The following MYO1H variants were observed in gnomAD, a reference collection of about 807,000 sequenced individuals.
MYO1H encodes the protein myosin IH.
A neutral mutation model predicts 149.3 loss-of-function variants in MYO1H; 118 were observed. The ratio of observed to expected loss-of-function variants is 0.79; its 90% confidence interval spans 0.68 to 0.92. The LOEUF (loss-of-function observed/expected upper bound fraction) is 0.92. Among genes scored for constraint, MYO1H ranks in the 40% least tolerant of loss-of-function variants. The pLI, the probability that MYO1H is intolerant of heterozygous loss-of-function variation, is 0.00. For synonymous variants in MYO1H, 447 were observed against 465.2 expected, an observed-to-expected ratio of 0.96 and a Z score of 0.50; for missense variants, 1,212 against 1,280.7, an observed-to-expected ratio of 0.95 and a Z score of 0.82.
chr12:109,397,847 C>T (rs1869980542), intron 5 of MYO1H, 35 bp downstream of exon 5: 2 of 1,519,684 alleles, frequency 1.3e-6, no homozygotes, highest in African/African-American at 1.4e-5. Flanking sequence ...TTCATGGGGA[C>T]CCCTTATTTT....
At chr12:109,433,967 T>G (rs1240834893) in intron 20 of MYO1H, among the ~76,000 whole-genome samples, 1 of 152,184 alleles carries the variant, frequency 6.6e-6, no homozygotes, top group Non-Finnish European at 1.5e-5. Context: ...GCAGGCAATG[T>G]GAGGTCAGTA....
exon 22 of MYO1H, chr12:109,436,506 C>T (rs760241983): frequency 6.2e-7 from 1 of 1,611,274 alleles, no homozygotes; most frequent in Non-Finnish European, 8.5e-7. Flanking sequence ...ATCCAAGCCA[C>T]TTACAAACGC....
In MYO1H at chr12:109,406,641, C is replaced by A. The variant is rs1012582641; in HGVS notation, c.964-148C>A. 1.8e-5 allele frequency: 12 copies of A among 677,936 alleles called. No homozygotes were observed. The African/African-American group carries it at 2.2e-4, about 12-fold the overall frequency. 42.0% of individuals were successfully genotyped at this position (677,936 alleles called of 1,614,324 possible). A position where few individuals can be genotyped will look rare whatever the true frequency, so the allele number is the denominator to read the frequency against. On this transcript the variant is annotated intron_variant, in intron 8 of 31. Coordinates refer to ENST00000310903, the Ensembl canonical transcript of MYO1H. ...CTCCAGCCTGGATGACAGAGTGAGA[C>A]CTTGTCTGAAAAAAAGTTACAATGA... is the stretch of plus-strand genomic sequence containing the variant.
intron 6 of MYO1H, among the ~76,000 whole-genome samples, chr12:109,402,865 C>G (rs550775781): frequency 1.3e-5 from 2 of 152,188 alleles, no homozygotes; most frequent in African/African-American, 4.8e-5. Flanking sequence ...AAGGGCTTCT[C>G]TAACCCTTTG....
intron 19 of MYO1H, among the ~76,000 whole-genome samples, chr12:109,428,761 C>G (rs983865854): frequency 6.6e-6 from 1 of 151,944 alleles, no homozygotes; most frequent in Admixed American, 6.6e-5. Flanking sequence ...AATCTGACTT[C>G]TGCGGCAGAT....
chr12:109,426,352 C>T (rs1032673912), intron 18 of MYO1H, among the ~76,000 whole-genome samples: 19 of 151,954 alleles, frequency 1.3e-4, no homozygotes, highest in African/African-American at 3.4e-4. Context: ...GGCATGGTGG[C>T]GTGTCTCTAC....
chr12:109,418,029 G>A (rs1871005364), intron 15 of MYO1H, among the ~76,000 whole-genome samples: 1 of 151,700 alleles, frequency 6.6e-6, no homozygotes, highest in South Asian at 2.1e-4. Flanking sequence ...TGTTAGCCAG[G>A]ATGGTCTCGA....
In MYO1H at chr12:109,407,747, G is replaced by A. The variant is rs763580444; in HGVS notation, c.1036-47G>A. The A allele has an allele frequency of 5.6e-6, 9 of 1,597,902 alleles. No individual in the cohort carries two copies. In the African/African-American group the frequency reaches 1.2e-4, roughly 22 times the overall value. ...AAAAGACTTCTTTGAACACTCTGGG[G>A]GCTTCTTTTTTCCACCTATAATGAT... On this transcript the variant is annotated intron_variant, in intron 9 of 31. Transcript: ENST00000310903.
chr12:109,346,358 T>C (rs1200254604), upstream of MYO1H, among the ~76,000 whole-genome samples: 1 of 152,214 alleles, frequency 6.6e-6, no homozygotes, highest in East Asian at 1.9e-4. Context: ...CCCCCACAGA[T>C]ACTGAGGTAC....
chr12:109,377,665 C>T (rs929327792), intron 1 of MYO1H, among the ~76,000 whole-genome samples: 3 of 152,182 alleles, frequency 2.0e-5, no homozygotes, highest in Admixed American at 1.3e-4. Flanking sequence ...CCAATAATGT[C>T]TTATCATTTT....
At chr12:109,409,169 G>T (rs1870529127) in intron 10 of MYO1H, among the ~76,000 whole-genome samples, 1 of 148,002 alleles carries the variant, frequency 6.8e-6, no homozygotes, top group African/African-American at 2.5e-5. Context: ...GCATCTTCTT[G>T]TCTGTCTATA....
At chr12:109,420,750 G>A (rs1871136811) in intron 15 of MYO1H, among the ~76,000 whole-genome samples, 1 of 152,012 alleles carries the variant, frequency 6.6e-6, no homozygotes. Flanking sequence ...GTGTTACTGG[G>A]ATCTAGTGTG....
intron 15 of MYO1H, among the ~76,000 whole-genome samples, chr12:109,418,833 C>T (rs562066494): frequency 2.6e-5 from 4 of 152,250 alleles, no homozygotes; most frequent in South Asian, 2.1e-4. Flanking sequence ...CGTGAGCCAC[C>T]GCACCCAGCA....
intron 18 of MYO1H, among the ~76,000 whole-genome samples, chr12:109,426,296 C>A (rs1454122604): frequency 6.6e-6 from 1 of 152,158 alleles, no homozygotes; most frequent in African/African-American, 2.4e-5. Context: ...CCAGTTTGGG[C>A]AACATGGCAA....
At chr12:109,349,550 A>G (rs940790556) in intron 1 of MYO1H, among the ~76,000 whole-genome samples, 1 of 146,750 alleles carries the variant, frequency 6.8e-6, no homozygotes, top group Non-Finnish European at 1.5e-5. Context: ...GGTCCCAGCT[A>G]CTCCAGAGGC....
intron 31 of MYO1H, 176 bp downstream of exon 31, chr12:109,445,788 C>A (rs1187902143): frequency 2.0e-6 from 2 of 985,246 alleles, no homozygotes; most frequent in Non-Finnish European, 2.4e-6. Context: ...TAGAGATACA[C>A]ACATCTAAAC....
intron 1 of MYO1H, among the ~76,000 whole-genome samples, chr12:109,365,663 T>C (rs750861411): frequency 7.9e-5 from 12 of 152,166 alleles, no homozygotes; most frequent in Non-Finnish European, 1.5e-4. Context: ...AAAATCAAGA[T>C]GATAATACCT....
At chr12:109,434,322 A>C (rs1871767076) in intron 20 of MYO1H, among the ~76,000 whole-genome samples, 1 of 151,930 alleles carries the variant, frequency 6.6e-6, no homozygotes, top group South Asian at 2.1e-4. Context: ...ATCTTCTTTT[A>C]AGCTTAGATC....
intron 1 of MYO1H, among the ~76,000 whole-genome samples, chr12:109,355,077 G>A (rs769321876): frequency 7.2e-5 from 11 of 152,174 alleles, no homozygotes; most frequent in Non-Finnish European, 1.3e-4. Context: ...CTTGCCATCC[G>A]CACAGTCAAC....
Sources: gnomAD v4.1 joint callset for allele counts (sites outside exome capture counted in the v4.1 genomes callset) on GRCh38, gnomAD v4.1.1 for gene constraint, MANE v1.5 for transcripts, NCBI Gene and HGNC (gene_info 2026-07-23, HGNC 2026-07-21) for gene names.